Variants in MCC observed in about 807,000 individuals in gnomAD.
The protein encoded by MCC is MCC regulator of Wnt signaling pathway, also known as colorectal mutant cancer protein.
In MCC, 90 loss-of-function variants were observed where a neutral mutation model predicts 116.2. The ratio of observed to expected loss-of-function variants is 0.77; its 90% CI spans 0.65 to 0.92. The LOEUF (loss-of-function observed/expected upper bound fraction) is 0.92, where lower values mean the gene tolerates loss of function less well. Among genes scored for constraint, MCC ranks in the 40% least tolerant of loss-of-function variants. The pLI is 0.00. For missense variants in MCC, 1,516 were observed against 1,312.2 expected (o/e 1.16, Z -2.40); for synonymous variants, 578 against 510.5 (o/e 1.13, Z -1.78).
Position 113,101,722 on chromosome 5 carries a change from G to A in MCC, c.1398+17C>T. ...TGCCCAGGAAGGGCCTGACCATTAT[G>A]GATGCAGCATGCTCACCCTCCTCCG... On this transcript the variant is annotated intron_variant, in intron 8 of 18. Coordinates refer to ENST00000408903, the MANE Select transcript of MCC (RefSeq NM_001085377.2). 1 of 1,612,208 alleles carries A rather than the reference G, an allele frequency of 6.2e-7. No individual in the cohort carries two copies. Among genetic ancestry groups the A allele is most frequent in the Non-Finnish European group, 8.5e-7 (1 of 1,179,892 alleles).
At chr5:113,185,753 G>A (rs1761868420) in intron 3 of MCC, among the ~76,000 whole-genome samples, 1 of 152,136 alleles carries the variant, frequency 6.6e-6, no homozygotes, top group Non-Finnish European at 1.5e-5. Flanking sequence ...ATACAGCATA[G>A]TAGCATAACA....
chr5:113,243,651 G>A (rs990456430), intron 3 of MCC, among the ~76,000 whole-genome samples: 3 of 152,314 alleles, frequency 2.0e-5, no homozygotes, highest in Admixed American at 1.3e-4. Context: ...ATTCAAAGGC[G>A]CTGGCCATGC....
intron 3 of MCC, among the ~76,000 whole-genome samples, chr5:113,205,124 C>G (rs754193925): frequency 6.6e-6 from 1 of 152,152 alleles, no homozygotes; most frequent in Non-Finnish European, 1.5e-5. Context: ...TCTCCCTCAC[C>G]CCCTGCCTTA....
At chr5:113,126,678 T>A (rs1018709005) in intron 5 of MCC, among the ~76,000 whole-genome samples, 4 of 152,216 alleles carry the variant, frequency 2.6e-5, no homozygotes, top group Non-Finnish European at 5.9e-5. Context: ...TTGAAAGTAA[T>A]GGAAAAAACC....
At chr5:113,129,702 G>A (rs1758312186) in intron 5 of MCC, among the ~76,000 whole-genome samples, 1 of 152,196 alleles carries the variant, frequency 6.6e-6, no homozygotes, top group Non-Finnish European at 1.5e-5. Flanking sequence ...TTCAAAAGAA[G>A]ACATTTATGC....
intron 3 of MCC, among the ~76,000 whole-genome samples, chr5:113,239,045 G>A (rs28606657): frequency 0.042 from 6,424 of 151,894 alleles, 455 homozygotes; most frequent in African/African-American, 0.15. Context: ...ATCCTTTAAC[G>A]TCTAGTTTAT....
chr5:113,463,739 AGC>A (rs1298938132), intron 1 of MCC, among the ~76,000 whole-genome samples: 3 of 152,226 alleles, frequency 2.0e-5, no homozygotes, highest in African/African-American at 7.2e-5. Flanking sequence ...AAGAGGACCG[AGC>A]TGGACATTTA....
At chr5:113,154,610 T>G (rs969317582) in intron 3 of MCC, among the ~76,000 whole-genome samples, 1 of 152,218 alleles carries the variant, frequency 6.6e-6, no homozygotes, top group African/African-American at 2.4e-5. Flanking sequence ...CTTTTGGGGT[T>G]TCACCAGTCT....
chr5:113,193,830 C>T (rs1233936891), intron 3 of MCC, among the ~76,000 whole-genome samples: 1 of 152,030 alleles, frequency 6.6e-6, no homozygotes, highest in Admixed American at 6.5e-5. Context: ...TTAGTGAATG[C>T]TACATATACA....
intron 13 of MCC, 96 bp downstream of exon 13, chr5:113,067,984 T>C: frequency 9.5e-7 from 1 of 1,050,644 alleles, no homozygotes; most frequent in South Asian, 1.3e-5. Flanking sequence ...AATTTTGTGT[T>C]GTCGGGAGAT....
intron 5 of MCC, among the ~76,000 whole-genome samples, chr5:113,141,412 A>G (rs1439846270): frequency 6.6e-6 from 1 of 152,174 alleles, no homozygotes; most frequent in Non-Finnish European, 1.5e-5. Flanking sequence ...CAATCTTCCT[A>G]ATAAATCCCC....
chr5:113,462,985 T>C (rs184026513), intron 1 of MCC, among the ~76,000 whole-genome samples: 1 of 152,190 alleles, frequency 6.6e-6, no homozygotes, highest in Admixed American at 6.5e-5. Context: ...TAGAAGATAA[T>C]ATTAAAAGAA....
intron 6 of MCC, among the ~76,000 whole-genome samples, chr5:113,108,573 A>C (rs564375634): frequency 1.9e-4 from 29 of 151,302 alleles, no homozygotes; most frequent in Admixed American, 9.9e-4. Flanking sequence ...GAATCGCTTG[A>C]ATCCGGCAGG....
At position 113,068,119 on chromosome 5, in the gene MCC, G is replaced by C; in HGVS notation, c.1990C>G (p.Leu664Val). The C allele has an allele frequency of 6.2e-7, 1 of 1,614,224 alleles. No homozygotes were observed. Among genetic ancestry groups the C allele is most frequent in the Non-Finnish European group, 8.5e-7 (1 of 1,180,046 alleles). The change falls in exon 13 of 19, where the codon CTG becomes GTG. Residue 664 changes from leucine (L) to valine (V), a missense_variant. Coordinates refer to ENST00000408903, the MANE Select transcript of MCC (RefSeq NM_001085377.2). ...ACGCCCGCCGCTCGGAACTGCCCCAGGATGAGGCTCTGCTCACTCTCTGCC... is the reference window on the plus strand; with the variant it reads ...ACGCCCGCCGCTCGGAACTGCCCCACGATGAGGCTCTGCTCACTCTCTGCC... ...ALAESEQSLILGQFRAAGVGS... is the reference protein window; with the variant it reads ...ALAESEQSLIVGQFRAAGVGS...
chr5:113,036,658 C>T (rs1355533110), intron 17 of MCC, among the ~76,000 whole-genome samples: 5 of 152,172 alleles, frequency 3.3e-5, no homozygotes, highest in Admixed American at 2.6e-4. Flanking sequence ...CCAGGAAATC[C>T]ATCTGGAGTT....
At chr5:113,292,394 T>A (rs188608377) in intron 3 of MCC, among the ~76,000 whole-genome samples, 2 of 152,174 alleles carry the variant, frequency 1.3e-5, no homozygotes, top group East Asian at 3.9e-4. Context: ...CAGACACCGA[T>A]GAGAAGAAAA....
intron 1 of MCC, among the ~76,000 whole-genome samples, chr5:113,416,747 C>G (rs1404829180): frequency 6.6e-6 from 1 of 152,054 alleles, no homozygotes; most frequent in Non-Finnish European, 1.5e-5. Flanking sequence ...ATTTTTCATT[C>G]TGGAATTTTG....
At chr5:113,291,657 G>C (rs1766499779) in intron 3 of MCC, among the ~76,000 whole-genome samples, 1 of 152,178 alleles carries the variant, frequency 6.6e-6, no homozygotes, top group South Asian at 2.1e-4. Flanking sequence ...CACTAAAGGG[G>C]CCCTGAGGGG....
chr5:113,192,013 G>A (rs908616254), intron 3 of MCC, among the ~76,000 whole-genome samples: 1 of 152,278 alleles, frequency 6.6e-6, no homozygotes, highest in Admixed American at 6.5e-5. Flanking sequence ...ACGTATGCAA[G>A]ACAGATTCAG....
Sources: gnomAD v4.1 joint callset for allele counts (sites outside exome capture counted in the v4.1 genomes callset) on GRCh38, gnomAD v4.1.1 for gene constraint, MANE v1.5 for transcripts, NCBI Gene and HGNC (gene_info 2026-07-23, HGNC 2026-07-21) for gene names.